The following CRIM1 variants were observed in gnomAD, a reference collection of about 807,000 sequenced individuals.
CRIM1 encodes cysteine rich transmembrane BMP regulator 1.
CRIM1 carries 32 observed loss-of-function variants against 116.4 expected under a neutral mutation model. That is an observed-to-expected ratio of 0.27 (90% CI 0.21 to 0.37). The LOEUF is 0.37. Ranked by LOEUF, CRIM1 falls within the 10% of genes least tolerant of loss-of-function variation. CRIM1 has a pLI of 1.00. For synonymous variants in CRIM1, 590 were observed against 509.2 expected (o/e 1.16, Z -2.13); for missense variants, 1,331 against 1,354.8 (o/e 0.98, Z 0.28).
chr2:36,389,092 CT>C (rs1372986331), intron 1 of CRIM1, among the ~76,000 whole-genome samples: 2 of 152,292 alleles, frequency 1.3e-5, no homozygotes, highest in African/African-American at 4.8e-5. Context: ...GTTACATATG[CT>C]TAAAATTTTT....
At chr2:36,363,525 C>T (rs1437163047) in intron 1 of CRIM1, among the ~76,000 whole-genome samples, 1 of 91,276 alleles carries the variant, frequency 1.1e-5, no homozygotes, top group South Asian at 4.0e-4. Flanking sequence ...CAGCAGTCGT[C>T]GCCGCCCCCC....
At chr2:36,411,954 A>G (rs796187895) in intron 2 of CRIM1, among the ~76,000 whole-genome samples, 3 of 152,268 alleles carry the variant, frequency 2.0e-5, no homozygotes, top group African/African-American at 7.2e-5. Context: ...TATAACAACC[A>G]CACCCAACTT....
chr2:36,502,921 C>T (rs1321066488), intron 8 of CRIM1, among the ~76,000 whole-genome samples: 1 of 152,168 alleles, frequency 6.6e-6, no homozygotes, highest in Non-Finnish European at 1.5e-5. Context: ...ATATATCCAT[C>T]TTATTTTGGA....
At chr2:36,495,459 CTTTA>C (rs1194946014) in intron 7 of CRIM1, among the ~76,000 whole-genome samples, 64 of 140,960 alleles carry the variant, frequency 4.5e-4, no homozygotes, top group South Asian at 1.4e-3. Context: ...CCTCAAGCCT[CTTTA>C]TTTATTTATT....
chr2:36,367,498 T>C (rs981407528), intron 1 of CRIM1, among the ~76,000 whole-genome samples: 20 of 152,332 alleles, frequency 1.3e-4, no homozygotes, highest in Non-Finnish European at 8.8e-5. Context: ...TTGCCTTAAT[T>C]TGTCAAAAGG....
At chr2:36,423,886 T>C (rs1674257024) in intron 2 of CRIM1, among the ~76,000 whole-genome samples, 1 of 152,160 alleles carries the variant, frequency 6.6e-6, no homozygotes, top group Admixed American at 6.5e-5. Flanking sequence ...TATTATTTTA[T>C]AGATGAGGAA....
At chr2:36,458,186 G>C (rs577031463) in intron 4 of CRIM1, among the ~76,000 whole-genome samples, 1 of 152,316 alleles carries the variant, frequency 6.6e-6, no homozygotes, top group South Asian at 2.1e-4. Flanking sequence ...GGAAGATGAG[G>C]AATATGATGG....
At chr2:36,543,957 C>G (rs1311101520) in intron 14 of CRIM1, among the ~76,000 whole-genome samples, 1 of 152,102 alleles carries the variant, frequency 6.6e-6, no homozygotes, top group Non-Finnish European at 1.5e-5. Context: ...AGTGCTTTAA[C>G]TTTTTCAAGT....
intron 4 of CRIM1, among the ~76,000 whole-genome samples, chr2:36,450,590 A>G (rs1051535288): frequency 6.6e-6 from 1 of 152,200 alleles, no homozygotes; most frequent in Non-Finnish European, 1.5e-5. Flanking sequence ...CCCATAAAAC[A>G]TTGACCTTAG....
chr2:36,540,279 C>T (rs1250533439), intron 14 of CRIM1, among the ~76,000 whole-genome samples: 1 of 152,066 alleles, frequency 6.6e-6, no homozygotes, highest in Non-Finnish European at 1.5e-5. Flanking sequence ...AGAGTGATTT[C>T]AAGAAAGAAT....
intron 8 of CRIM1, among the ~76,000 whole-genome samples, chr2:36,500,155 C>A (rs1680884935): frequency 6.6e-6 from 1 of 152,038 alleles, no homozygotes; most frequent in Non-Finnish European, 1.5e-5. Flanking sequence ...GGCGAGATCC[C>A]AGCCTCTACC....
At chr2:36,409,689 T>G (rs923180373) in intron 2 of CRIM1, among the ~76,000 whole-genome samples, 2 of 152,380 alleles carry the variant, frequency 1.3e-5, no homozygotes, top group Non-Finnish European at 1.5e-5. Flanking sequence ...AAGCTAACTT[T>G]AATCAGTTTA....
intron 5 of CRIM1, among the ~76,000 whole-genome samples, chr2:36,469,788 A>G (rs926549842): frequency 1.3e-5 from 2 of 152,220 alleles, no homozygotes; most frequent in African/African-American, 4.8e-5. Context: ...TACTCCACTC[A>G]GTATGTGTTT....
At chr2:36,493,750 G>C (rs1680394271) in intron 7 of CRIM1, among the ~76,000 whole-genome samples, 1 of 152,190 alleles carries the variant, frequency 6.6e-6, no homozygotes, top group African/African-American at 2.4e-5. Context: ...GTTCAGTGGA[G>C]TAATACAGAT....
chr2:36,433,084 G>A (rs1675019522), intron 2 of CRIM1, among the ~76,000 whole-genome samples: 1 of 152,178 alleles, frequency 6.6e-6, no homozygotes, highest in Non-Finnish European at 1.5e-5. Flanking sequence ...CTTAGGAGAT[G>A]CCGATGCTGC....
At position 36,549,641 on chromosome 2, in the gene CRIM1, C is replaced by CTGTT. The variant is rs565441896; in HGVS notation, c.*943_*946dup. On this transcript the variant is annotated 3_prime_UTR_variant, in exon 17 of 17. Coordinates refer to ENST00000280527, the MANE Select transcript of CRIM1 (RefSeq NM_016441.3). ...TAAGAAGAAACTTTTTTTAAAAAGA[C>CTGTT]TGTTTGGGGATTCTTTTTCCTTATT... is the stretch of plus-strand genomic sequence containing the variant. 5 of 152,336 alleles carry CTGTT rather than the reference C, an allele frequency of 3.3e-5. No homozygotes were observed. In the East Asian group the frequency reaches 5.8e-4, roughly 18 times the overall value. The allele number at this position is 152,336 out of a possible 1,614,324, so 9.4% of individuals were successfully genotyped here.
intron 13 of CRIM1, among the ~76,000 whole-genome samples, chr2:36,532,941 G>C (rs1426877171): frequency 6.6e-6 from 1 of 152,162 alleles, no homozygotes; most frequent in East Asian, 1.9e-4. Context: ...TTAATTGTCA[G>C]AATAAGCAAA....
At chr2:36,442,307 T>C (rs796206566) in intron 3 of CRIM1, among the ~76,000 whole-genome samples, 17 of 152,234 alleles carry the variant, frequency 1.1e-4, no homozygotes, top group African/African-American at 4.1e-4. Context: ...GTCCGTCTCT[T>C]GAACTATTCT....
chr2:36,537,685 C>G (rs1666649366), intron 14 of CRIM1, 139 bp downstream of exon 14: 1 of 946,498 alleles, frequency 1.1e-6, no homozygotes, highest in South Asian at 1.8e-5. Flanking sequence ...CGCCTCCACC[C>G]AAAGACCCTA....
Sources: gnomAD v4.1 joint callset for allele counts (sites outside exome capture counted in the v4.1 genomes callset) on GRCh38, gnomAD v4.1.1 for gene constraint, MANE v1.5 for transcripts, NCBI Gene and HGNC (gene_info 2026-07-23, HGNC 2026-07-21) for gene names.